Variants in TLL1 observed in about 807,000 individuals in gnomAD.
The protein encoded by TLL1 is tolloid like 1.
TLL1 carries 49 observed loss-of-function variants against 128.2 expected under a neutral mutation model. The ratio of observed to expected loss-of-function variants is 0.38; its 90% CI spans 0.30 to 0.48. TLL1 has a LOEUF of 0.48. TLL1 is among the 20% of genes least tolerant of loss of function. The probability of loss-of-function intolerance (pLI) is 0.96; values close to 1 mark genes in which losing one functional copy is unlikely to be tolerated. For synonymous variants in TLL1, 454 were observed against 418.8 expected (o/e 1.08, Z -1.03); for missense variants, 1,123 against 1,242.0 (o/e 0.90, Z 1.44).
intron 1 of TLL1, among the ~76,000 whole-genome samples, chr4:165,955,944 G>A (rs959008333): frequency 6.6e-6 from 1 of 152,110 alleles, no homozygotes; most frequent in Non-Finnish European, 1.5e-5. Flanking sequence ...GGGCCACTGG[G>A]GGTGACATCA....
At chr4:165,965,598 C>T (rs189674805) in intron 1 of TLL1, among the ~76,000 whole-genome samples, 111 of 152,270 alleles carry the variant, frequency 7.3e-4, no homozygotes, top group Middle Eastern at 3.4e-3. Context: ...AGGTAAATAG[C>T]AATGGCTGGA....
intron 1 of TLL1, among the ~76,000 whole-genome samples, chr4:165,898,282 G>A (rs1040799213): frequency 6.6e-6 from 1 of 152,234 alleles, no homozygotes; most frequent in African/African-American, 2.4e-5. Context: ...TAGGAGTGGT[G>A]AGAGAGGGCA....
chr4:166,070,841 T>G (rs1740782605), intron 16 of TLL1, among the ~76,000 whole-genome samples: 1 of 151,930 alleles, frequency 6.6e-6, no homozygotes, highest in Non-Finnish European at 1.5e-5. Flanking sequence ...GCAAATGAAA[T>G]TCGACATGAT....
intron 1 of TLL1, among the ~76,000 whole-genome samples, chr4:165,893,097 A>G (rs1352935602): frequency 6.6e-6 from 1 of 152,204 alleles, no homozygotes; most frequent in Admixed American, 6.5e-5. Flanking sequence ...TATCTTTAGT[A>G]AGGATTTGTA....
At chr4:166,007,679 A>C (rs1223569973) in intron 6 of TLL1, among the ~76,000 whole-genome samples, 1 of 151,784 alleles carries the variant, frequency 6.6e-6, no homozygotes, top group Non-Finnish European at 1.5e-5. Context: ...GTGGTAAAAG[A>C]GCATACATAT....
At chr4:166,035,347 A>G (rs1738953139) in intron 9 of TLL1, among the ~76,000 whole-genome samples, 1 of 152,196 alleles carries the variant, frequency 6.6e-6, no homozygotes, top group African/African-American at 2.4e-5. Flanking sequence ...CAGGGTTTAT[A>G]TTGTGAGGAA....
chr4:166,077,773 C>A, intron 17 of TLL1, 130 bp from the exon 18 acceptor site: 3 of 1,218,026 alleles, frequency 2.5e-6, no homozygotes, highest in Non-Finnish European at 1.2e-6. Flanking sequence ...TAATAACCGA[C>A]ACGGGAGTGA....
chr4:165,944,448 C>T (rs574495061), intron 1 of TLL1, among the ~76,000 whole-genome samples: 33 of 152,174 alleles, frequency 2.2e-4, no homozygotes, highest in African/African-American at 7.5e-4. Context: ...GAAGGAAGAC[C>T]AGTGTTTCTG....
chr4:165,891,955 A>C (rs949245176), intron 1 of TLL1, among the ~76,000 whole-genome samples: 1 of 152,188 alleles, frequency 6.6e-6, no homozygotes, highest in Non-Finnish European at 1.5e-5. Context: ...CAAACCTGAG[A>C]CTGGGTAATT....
chr4:166,038,103 G>A (rs1245401690), intron 9 of TLL1, among the ~76,000 whole-genome samples: 1 of 152,122 alleles, frequency 6.6e-6, no homozygotes, highest in African/African-American at 2.4e-5. Flanking sequence ...GTTAAATATT[G>A]TGTTCAAGAA....
intron 1 of TLL1, among the ~76,000 whole-genome samples, chr4:165,967,254 A>G (rs1056241464): frequency 1.8e-4 from 28 of 152,180 alleles, no homozygotes; most frequent in Non-Finnish European, 3.8e-4. Context: ...CCCAGATTTC[A>G]TATTGTTCAA....
intron 13 of TLL1, among the ~76,000 whole-genome samples, chr4:166,056,511 G>A (rs1274393648): frequency 1.3e-5 from 2 of 151,878 alleles, no homozygotes; most frequent in Non-Finnish European, 2.9e-5. Flanking sequence ...GAAACACAAT[G>A]TTTTAAATTT....
At chr4:166,079,806 T>C (rs1560857751) in intron 18 of TLL1, among the ~76,000 whole-genome samples, 1 of 152,192 alleles carries the variant, frequency 6.6e-6, no homozygotes, top group Non-Finnish European at 1.5e-5. Context: ...TTTGCTGTTA[T>C]TCCTCAACTC....
chr4:166,102,025 C>T lies in TLL1; in HGVS notation c.*1149C>T, dbSNP rs1742313033. On this transcript the variant is annotated 3_prime_UTR_variant, in exon 21 of 21. Coordinates refer to ENST00000061240, the MANE Select transcript of TLL1 (RefSeq NM_012464.5). Reference sequence around the variant, plus strand: ...AGTTTTTGACCTTTGAGCCAACCCACCCGTAGACTACGAATGTCTCCCTAT... The same window carrying T: ...AGTTTTTGACCTTTGAGCCAACCCATCCGTAGACTACGAATGTCTCCCTAT... The T allele has an allele frequency of 6.6e-6, 1 of 152,334 alleles. No individual in the cohort carries two copies. The highest frequency in any genetic ancestry group is 2.4e-5 in the African/African-American group (1 of 41,396). The allele number at this position is 152,334 out of a possible 1,614,324, so 9.4% of individuals were successfully genotyped here.
chr4:166,076,155 C>A (rs1321390178), intron 17 of TLL1, among the ~76,000 whole-genome samples: 2 of 152,122 alleles, frequency 1.3e-5, no homozygotes, highest in Non-Finnish European at 2.9e-5. Context: ...TGATTGCAGC[C>A]TTGACCTCCC....
intron 1 of TLL1, among the ~76,000 whole-genome samples, chr4:165,970,523 A>G (rs1435529038): frequency 1.3e-5 from 2 of 152,146 alleles, no homozygotes; most frequent in Admixed American, 6.5e-5. Context: ...TTGGGTTAAA[A>G]CCTTCTTTCT....
intron 18 of TLL1, among the ~76,000 whole-genome samples, chr4:166,080,690 T>C (rs1579718414): frequency 1.3e-5 from 2 of 152,278 alleles, no homozygotes; most frequent in East Asian, 3.9e-4. Context: ...TGTATTTATG[T>C]GTATGAAGGA....
intron 1 of TLL1, among the ~76,000 whole-genome samples, chr4:165,902,114 A>G (rs947589349): frequency 6.6e-6 from 1 of 152,092 alleles, no homozygotes; most frequent in Non-Finnish European, 1.5e-5. Flanking sequence ...TGAGCATCCC[A>G]GGTTGACTTT....
rs530249941 is a variant in TLL1, at chr4:166,046,682, G to A, written c.1524+3263G>A. On this transcript the variant is annotated intron_variant, in intron 12 of 20. Transcript: ENST00000061240. Reference sequence around the variant, plus strand: ...AAAACACGTGTGTCAGATTATCTTCGTTCAGACATGTATGGTGTATATATA... The same window carrying A: ...AAAACACGTGTGTCAGATTATCTTCATTCAGACATGTATGGTGTATATATA... Among the ~76,000 whole-genome samples the A allele has an allele frequency of 1.2e-3, 188 of 152,236 alleles. 2 individuals carry two copies. The highest frequency in any genetic ancestry group is 8.7e-3 in the South Asian group (42 of 4,826).
Sources: allele counts gnomAD v4.1 joint callset (sites outside exome capture counted in the v4.1 genomes callset), GRCh38; gene constraint gnomAD v4.1.1; transcripts MANE v1.5; gene names NCBI Gene and HGNC (gene_info 2026-07-23, HGNC 2026-07-21).